The following PIP5K1B variants were observed in gnomAD, a reference collection of about 807,000 sequenced individuals.
PIP5K1B encodes the protein phosphatidylinositol 4-phosphate 5-kinase type-1 beta.
PIP5K1B carries 42 observed loss-of-function variants against 67.0 expected under a neutral mutation model. That is an observed-to-expected ratio of 0.63 (90% CI 0.49 to 0.81). The LOEUF is 0.81. Ranked by LOEUF, PIP5K1B falls within the 30% of genes least tolerant of loss-of-function variation. The probability of loss-of-function intolerance (pLI) is 0.00; values close to 1 mark genes in which losing one functional copy is unlikely to be tolerated. For missense variants in PIP5K1B, 459 were observed against 646.3 expected, an observed-to-expected ratio of 0.71 and a Z score of 3.14; for synonymous variants, 214 against 231.4, an observed-to-expected ratio of 0.92 and a Z score of 0.68.
At chr9:68,934,869 G>C (rs779343696) in intron 12 of PIP5K1B, 21 bp from the exon 13 acceptor site, 3 of 1,574,802 alleles carry the variant, frequency 1.9e-6, no homozygotes, top group Non-Finnish European at 1.7e-6. Flanking sequence ...ATCTGTATTT[G>C]TCCTTTTCCT....
intron 1 of PIP5K1B, among the ~76,000 whole-genome samples, chr9:68,733,933 C>T (rs1025430289): frequency 4.6e-5 from 7 of 152,002 alleles, no homozygotes; most frequent in African/African-American, 1.2e-4. Context: ...CCACTGTGCC[C>T]GGCAATACTT....
At chr9:68,916,384 G>A (rs1055867099) in intron 8 of PIP5K1B, among the ~76,000 whole-genome samples, 5 of 152,112 alleles carry the variant, frequency 3.3e-5, no homozygotes, top group South Asian at 2.1e-4. Context: ...CAACAGACTC[G>A]GACCCAGACC....
chr9:68,880,727 A>G (rs1381714475), intron 6 of PIP5K1B, among the ~76,000 whole-genome samples: 4 of 152,184 alleles, frequency 2.6e-5, no homozygotes, highest in Admixed American at 6.5e-5. Context: ...CACATGGTTC[A>G]GTGTCTAGAC....
At chr9:68,913,432 G>T (rs1458952664) in intron 8 of PIP5K1B, among the ~76,000 whole-genome samples, 1 of 152,204 alleles carries the variant, frequency 6.6e-6, no homozygotes, top group Non-Finnish European at 1.5e-5. Context: ...CACATGTTAA[G>T]TTGTTGGCAG....
chr9:68,717,106 A>G (rs1827670394), intron 1 of PIP5K1B, among the ~76,000 whole-genome samples: 1 of 152,166 alleles, frequency 6.6e-6, no homozygotes, highest in South Asian at 2.1e-4. Flanking sequence ...GGAGGGAGGT[A>G]AGGGTTGAAA....
At chr9:68,985,308 A>G (rs1205503620) in intron 14 of PIP5K1B, among the ~76,000 whole-genome samples, 5 of 151,078 alleles carry the variant, frequency 3.3e-5, no homozygotes, top group Admixed American at 1.3e-4. Context: ...CTGGAGTGCA[A>G]TGGTGCGATC....
intron 15 of PIP5K1B, among the ~76,000 whole-genome samples, chr9:69,007,935 C>T (rs1429788309): frequency 2.0e-5 from 3 of 152,030 alleles, no homozygotes; most frequent in East Asian, 1.9e-4. Flanking sequence ...TTGCTTTCCC[C>T]ACATATATCA....
intron 15 of PIP5K1B, among the ~76,000 whole-genome samples, chr9:69,000,276 G>A (rs1012447676): frequency 6.6e-6 from 1 of 152,064 alleles, no homozygotes; most frequent in Non-Finnish European, 1.5e-5. Context: ...ACAGGTCCTC[G>A]CCTACAGCCA....
At position 68,979,719 on chromosome 9, in the gene PIP5K1B, CT is replaced by C. The variant is rs1171170093; in HGVS notation, c.1503-11420del. ...TCTTCCTGCCTATGGGTTCTAAGTG[CT>C]GCTGTCTGAGCTGTGCCTGCAGCAG... On this transcript the variant is annotated intron_variant, in intron 14 of 15. Transcript: ENST00000265382. Among the ~76,000 whole-genome samples, 3 of 152,216 alleles carry C rather than the reference CT, an allele frequency of 2.0e-5. No homozygotes were observed. The East Asian group carries it at 5.8e-4, about 29-fold the overall frequency.
chr9:68,932,052 G>A (rs970618608), intron 12 of PIP5K1B, among the ~76,000 whole-genome samples: 1 of 152,134 alleles, frequency 6.6e-6, no homozygotes, highest in Non-Finnish European at 1.5e-5. Context: ...GGTCTTCTCT[G>A]CTCCTCATTA....
At chr9:68,911,305 G>A (rs371729191) in intron 8 of PIP5K1B, among the ~76,000 whole-genome samples, 26 of 151,554 alleles carry the variant, frequency 1.7e-4, no homozygotes, top group Non-Finnish European at 2.8e-4. Flanking sequence ...CCCGGGAAGC[G>A]GAGGTTGCAG....
intron 15 of PIP5K1B, among the ~76,000 whole-genome samples, chr9:69,003,583 C>T (rs982927117): frequency 2.0e-5 from 3 of 152,060 alleles, no homozygotes; most frequent in South Asian, 2.1e-4. Flanking sequence ...GGTGAAGTTC[C>T]GCCTCTCTCA....
intron 13 of PIP5K1B, among the ~76,000 whole-genome samples, chr9:68,935,715 C>G (rs942211610): frequency 3.3e-5 from 5 of 152,162 alleles, no homozygotes; most frequent in African/African-American, 1.2e-4. Flanking sequence ...CACATACACT[C>G]AATGTAACAA....
chr9:68,825,129 C>T (rs1377417628), intron 4 of PIP5K1B, among the ~76,000 whole-genome samples: 1 of 152,124 alleles, frequency 6.6e-6, no homozygotes, highest in African/African-American at 2.4e-5. Context: ...TGGAGAAATT[C>T]ATAAAGATGT....
At chr9:68,861,427 T>A (rs1823066027) in intron 4 of PIP5K1B, among the ~76,000 whole-genome samples, 1 of 152,240 alleles carries the variant, frequency 6.6e-6, no homozygotes, top group Non-Finnish European at 1.5e-5. Flanking sequence ...ACACTAGGTG[T>A]AGACTAGTCA....
At chr9:68,990,440 G>A (rs1197307785) in intron 14 of PIP5K1B, among the ~76,000 whole-genome samples, 1 of 151,866 alleles carries the variant, frequency 6.6e-6, no homozygotes, top group African/African-American at 2.4e-5. Flanking sequence ...AATCATCAGT[G>A]CTAATGATGC....
chr9:68,876,233 G>A (rs997725828), intron 5 of PIP5K1B, among the ~76,000 whole-genome samples: 1 of 152,080 alleles, frequency 6.6e-6, no homozygotes, highest in African/African-American at 2.4e-5. Context: ...TCTCTCTGTT[G>A]GTAGGATGTT....
At chr9:68,763,032 T>C (rs1830256208) in intron 2 of PIP5K1B, among the ~76,000 whole-genome samples, 1 of 152,122 alleles carries the variant, frequency 6.6e-6, no homozygotes, top group African/African-American at 2.4e-5. Context: ...ACTCATGTTA[T>C]GTGTGAATGG....
At chr9:68,788,351 T>C in intron 2 of PIP5K1B, 2 of 947,894 alleles carry the variant, frequency 2.1e-6, no homozygotes, top group Admixed American at 3.8e-5. Flanking sequence ...ATGTATTTTA[T>C]GCCCTTAAAG....
Sources: gnomAD v4.1 joint callset for allele counts (sites outside exome capture counted in the v4.1 genomes callset) on GRCh38, gnomAD v4.1.1 for gene constraint, MANE v1.5 for transcripts, NCBI Gene and HGNC (gene_info 2026-07-23, HGNC 2026-07-21) for gene names.